Variants in CA10 observed in about 807,000 individuals in gnomAD.
CA10 encodes carbonic anhydrase-related protein 10.
In CA10, 14 loss-of-function variants were observed where a neutral mutation model predicts 44.2. The observed-to-expected ratio is 0.32, with a 90% confidence interval of 0.21 to 0.50. The LOEUF (loss-of-function observed/expected upper bound fraction) is 0.50, where lower values mean the gene tolerates loss of function less well. Ranked by LOEUF, CA10 falls within the 20% of genes least tolerant of loss-of-function variation. The probability of loss-of-function intolerance (pLI) is 0.99; values close to 1 mark genes in which losing one functional copy is unlikely to be tolerated. For missense variants in CA10, 350 were observed against 409.7 expected (o/e 0.85, Z 1.26); for synonymous variants, 159 against 141.6 (o/e 1.12, Z -0.87).
At chr17:52,002,378 G>A (rs1985455399) in intron 2 of CA10, among the ~76,000 whole-genome samples, 1 of 151,952 alleles carries the variant, frequency 6.6e-6, no homozygotes, top group South Asian at 2.1e-4. Context: ...AATTCATACA[G>A]GGCCATAAAA....
intron 4 of CA10, among the ~76,000 whole-genome samples, chr17:51,668,210 T>G (rs1336242893): frequency 1.3e-5 from 2 of 152,150 alleles, no homozygotes; most frequent in African/African-American, 4.8e-5. Context: ...GGGTACAGTG[T>G]GGTTCCCATC....
chr17:51,802,994 C>G (rs1906994669), intron 3 of CA10, among the ~76,000 whole-genome samples: 1 of 152,178 alleles, frequency 6.6e-6, no homozygotes. Context: ...TCTCAGGACC[C>G]TGCCAGTTAT....
At chr17:51,904,199 T>TAA (rs35503521) in intron 3 of CA10, among the ~76,000 whole-genome samples, 16,903 of 145,296 alleles carry the variant, frequency 0.12, 1,335 homozygotes, top group African/African-American at 0.23. Flanking sequence ...GTATGGCTCT[T>TAA]AAAAAAAAAA....
rs189629202 is a variant in CA10, at chr17:51,721,680, T to A, written c.465+25953A>T. On this transcript the variant is annotated intron_variant, in intron 4 of 8. Transcript: ENST00000451037. Reference sequence around the variant, plus strand: ...ATGTATGAATTAAAAAAAAAAATCCTATCCATCTGGTGAGGGGTCATAATT... The same window carrying A: ...ATGTATGAATTAAAAAAAAAAATCCAATCCATCTGGTGAGGGGTCATAATT... 7.2e-5 allele frequency among the ~76,000 whole-genome samples: 11 copies of A among 152,130 alleles called. No individual in the cohort carries two copies. In the East Asian group the frequency reaches 2.1e-3, roughly 29 times the overall value.
Position 51,986,403 on chromosome 17 carries a change from C to T in CA10, c.137-55271G>A, listed in dbSNP as rs149480655. ...CTAAGACCTGAAACTGTAAAAATTC[C>T]AGAAGATAACATCAGAGAAATCCTT... On this transcript the variant is annotated intron_variant, in intron 2 of 8. Coordinates refer to ENST00000451037, the MANE Select transcript of CA10 (RefSeq NM_020178.5). 1.6e-3 allele frequency among the ~76,000 whole-genome samples: 240 copies of T among 151,992 alleles called. 5 individuals are homozygous for T. The South Asian group carries it at 0.022, about 14-fold the overall frequency.
intron 3 of CA10, among the ~76,000 whole-genome samples, chr17:51,831,510 A>G (rs1332967116): frequency 1.3e-5 from 2 of 152,090 alleles, no homozygotes; most frequent in African/African-American, 4.8e-5. Context: ...TTTACTTTTT[A>G]TCTTAAAGTT....
intron 4 of CA10, among the ~76,000 whole-genome samples, chr17:51,655,305 T>C (rs1913749373): frequency 1.3e-5 from 2 of 152,212 alleles, no homozygotes; most frequent in Non-Finnish European, 2.9e-5. Context: ...ACATCATATA[T>C]CTTTCTGTAA....
intron 1 of CA10, among the ~76,000 whole-genome samples, chr17:52,148,282 C>T (rs1288095662): frequency 2.0e-5 from 3 of 152,072 alleles, no homozygotes; most frequent in Non-Finnish European, 4.4e-5. Flanking sequence ...TAAGAAATAG[C>T]GTACATGTTC....
intron 2 of CA10, among the ~76,000 whole-genome samples, chr17:52,027,224 G>C (rs779735074): frequency 2.6e-5 from 4 of 151,926 alleles, no homozygotes; most frequent in Non-Finnish European, 4.4e-5. Context: ...TACTGATCAA[G>C]AAGAGCCAGA....
intron 2 of CA10, among the ~76,000 whole-genome samples, chr17:51,951,767 C>T (rs1983492952): frequency 6.6e-6 from 1 of 152,144 alleles, no homozygotes; most frequent in African/African-American, 2.4e-5. Flanking sequence ...GAGTTGCTAC[C>T]ATACTGAACA....
At chr17:52,154,832 C>T (rs113594703) in intron 1 of CA10, among the ~76,000 whole-genome samples, 52 of 152,314 alleles carry the variant, frequency 3.4e-4, no homozygotes, top group African/African-American at 1.2e-3. Context: ...GCCAAACAGT[C>T]TCATTTTCCA....
intron 3 of CA10, among the ~76,000 whole-genome samples, chr17:51,902,993 A>G (rs757195784): frequency 2.6e-5 from 4 of 152,186 alleles, no homozygotes; most frequent in Non-Finnish European, 5.9e-5. Flanking sequence ...TCATTCAACA[A>G]ATAAAAACTG....
chr17:51,682,137 T>G (rs184930669), intron 4 of CA10, among the ~76,000 whole-genome samples: 608 of 152,184 alleles, frequency 4.0e-3, no homozygotes, highest in Non-Finnish European at 6.7e-3. Context: ...AGGGACCACC[T>G]TTTTTTGCAG....
chr17:51,866,741 A>G (rs938058718), intron 3 of CA10, among the ~76,000 whole-genome samples: 3 of 152,150 alleles, frequency 2.0e-5, no homozygotes. Flanking sequence ...CACTGAATCA[A>G]TCCAGATGTC....
chr17:51,952,314 A>G (rs934052973), intron 2 of CA10, among the ~76,000 whole-genome samples: 2 of 152,138 alleles, frequency 1.3e-5, no homozygotes, highest in Non-Finnish European at 2.9e-5. Flanking sequence ...TTTAACTTGA[A>G]TAATTATATT....
intron 2 of CA10, among the ~76,000 whole-genome samples, chr17:52,040,152 T>TC (rs975259109): frequency 4.0e-5 from 6 of 150,338 alleles, no homozygotes; most frequent in Admixed American, 3.3e-4. Flanking sequence ...TTTCTTTTTT[T>TC]TTTTTTTGGA....
chr17:52,060,374 C>A (rs1165221662), intron 2 of CA10, among the ~76,000 whole-genome samples: 3 of 151,972 alleles, frequency 2.0e-5, no homozygotes, highest in African/African-American at 7.3e-5. Flanking sequence ...GCAACAGAAA[C>A]AGGACCTTAG....
Position 52,060,946 on chromosome 17 carries a change from A to G in CA10, c.136+11373T>C, listed in dbSNP as rs192980066. On this transcript the variant is annotated intron_variant, in intron 2 of 8. Coordinates refer to ENST00000451037, the MANE Select transcript of CA10 (RefSeq NM_020178.5). Reference sequence around the variant, plus strand: ...AGGGGAGTATGAGTGCAAATTTTGTAAGGGATGAATGAAGTAACATGAGTA... The same window carrying G: ...AGGGGAGTATGAGTGCAAATTTTGTGAGGGATGAATGAAGTAACATGAGTA... Among the ~76,000 whole-genome samples, 372 of 152,268 alleles carry G rather than the reference A, an allele frequency of 2.4e-3. 4 individuals are homozygous for G. The highest frequency in any genetic ancestry group is 2.7e-3 in the East Asian group (14 of 5,182).
intron 1 of CA10, among the ~76,000 whole-genome samples, chr17:52,077,808 C>T (rs549546520): frequency 2.6e-5 from 4 of 152,138 alleles, no homozygotes; most frequent in Non-Finnish European, 4.4e-5. Context: ...TCTCTCCACC[C>T]GATTTCCATT....
Sources: allele counts gnomAD v4.1 joint callset (sites outside exome capture counted in the v4.1 genomes callset), GRCh38; gene constraint gnomAD v4.1.1; transcripts MANE v1.5; gene names NCBI Gene and HGNC (gene_info 2026-07-23, HGNC 2026-07-21).